The following SARNP variants were observed in gnomAD, a reference collection of about 807,000 sequenced individuals.
SARNP encodes the protein SAP domain containing ribonucleoprotein, also known as SAP domain-containing ribonucleoprotein.
Under a neutral mutation model 38.1 loss-of-function variants are expected in SARNP, and 5 were observed. The observed-to-expected ratio is 0.13, with a 90% CI of 0.07 to 0.28. SARNP has a LOEUF of 0.28. Ranked by LOEUF, SARNP falls within the 10% of genes least tolerant of loss-of-function variation. The pLI, the probability that SARNP is intolerant of heterozygous loss-of-function variation, is 1.00. For missense variants in SARNP, 180 were observed against 243.9 expected, an observed-to-expected ratio of 0.74 and a Z score of 1.75; for synonymous variants, 84 against 80.6, an observed-to-expected ratio of 1.04 and a Z score of -0.23.
chr12:55,782,081 T>C (rs539179985), intron 9 of SARNP, among the ~76,000 whole-genome samples: 1 of 152,306 alleles, frequency 6.6e-6, no homozygotes, highest in Admixed American at 6.5e-5. Context: ...ATCATAAACC[T>C]GGGAAAAGTA....
At chr12:55,757,015 G>C (rs1237361044), downstream of SARNP, 2 of 152,154 alleles carry the variant, frequency 1.3e-5, no homozygotes, top group Admixed American at 1.3e-4. Flanking sequence ...TATTTCAGTG[G>C]GTCACTACAA....
At chr12:55,772,751 T>G (rs897573107) in intron 9 of SARNP, among the ~76,000 whole-genome samples, 1 of 151,404 alleles carries the variant, frequency 6.6e-6, no homozygotes, top group Non-Finnish European at 1.5e-5. Context: ...TTTTGCTCTT[T>G]CTGCCCAGGA....
At position 55,789,143 on chromosome 12, in the gene SARNP, C is replaced by A. The variant is rs768479579; in HGVS notation, c.433G>T (p.Val145Phe). The change falls in exon 9 of 11, where the codon GTT (valine) becomes TTT (phenylalanine). Residue 145 changes from valine (V) to phenylalanine (F), a missense_variant and splice_region_variant. Physicochemically the swap from Val to Phe is conservative, Grantham distance 50 (BLOSUM62 -1). Coordinates refer to ENST00000336133, the MANE Select transcript of SARNP (RefSeq NM_033082.4). ...CTTTCCTTCAGCTTATCCAAGTTAA[C>A]CTATAAAAACATAGGGGAAAGAACA... Reference protein sequence around the residue: ...KGLSSDNKPMVNLDKLKERAQ... With the variant: ...KGLSSDNKPMFNLDKLKERAQ... The A allele has an allele frequency of 1.9e-6, 3 of 1,583,420 alleles. No individual in the cohort carries two copies. Among genetic ancestry groups the A allele is most frequent in the Admixed American group, 1.9e-5 (1 of 51,362 alleles).
intron 9 of SARNP, among the ~76,000 whole-genome samples, chr12:55,772,505 G>A (rs1215826974): frequency 6.6e-6 from 1 of 152,050 alleles, no homozygotes; most frequent in Non-Finnish European, 1.5e-5. Context: ...CCCCAGAGGA[G>A]GTCGTTTCGG....
intron 9 of SARNP, among the ~76,000 whole-genome samples, chr12:55,773,707 G>C (rs1042562504): frequency 2.6e-5 from 4 of 152,104 alleles, no homozygotes; most frequent in Admixed American, 6.5e-5. Flanking sequence ...AGGAAAATGG[G>C]ATTTCTTCTT....
intron 1 of SARNP, among the ~76,000 whole-genome samples, chr12:55,814,876 A>T (rs1880435783): frequency 6.6e-6 from 1 of 150,816 alleles, no homozygotes; most frequent in Non-Finnish European, 1.5e-5. Context: ...CTCAATTTAA[A>T]AAAAAAAAAA....
chr12:55,802,347 C>T (rs1880003797), intron 2 of SARNP, among the ~76,000 whole-genome samples: 1 of 151,744 alleles, frequency 6.6e-6, no homozygotes, highest in South Asian at 2.1e-4. Context: ...ATACTATATA[C>T]TATTAGTATA....
At chr12:55,809,959 C>T (rs1044325544) in intron 1 of SARNP, among the ~76,000 whole-genome samples, 6 of 152,138 alleles carry the variant, frequency 3.9e-5, no homozygotes, top group Non-Finnish European at 8.8e-5. Context: ...CTTTTGTGAA[C>T]TTGTGCATGA....
At chr12:55,754,433 T>C (rs1878438374), downstream of SARNP, 2 of 152,168 alleles carry the variant, frequency 1.3e-5, no homozygotes, top group Admixed American at 1.3e-4. Flanking sequence ...CAGCTTCTGG[T>C]CTGTAGTGGC....
intron 9 of SARNP, among the ~76,000 whole-genome samples, chr12:55,770,521 G>C (rs1466134686): frequency 6.6e-6 from 1 of 151,432 alleles, no homozygotes; most frequent in Non-Finnish European, 1.5e-5. Context: ...TTACAGGCAT[G>C]AGCCACCACG....
chr12:55,812,615 C>T (rs933841553), intron 1 of SARNP, among the ~76,000 whole-genome samples: 4 of 152,214 alleles, frequency 2.6e-5, no homozygotes, highest in Admixed American at 1.3e-4. Flanking sequence ...AATGAACTTA[C>T]CTCTTCTGTG....
At chr12:55,754,853 TAAG>T (rs1315175229), downstream of SARNP, 3 of 152,200 alleles carry the variant, frequency 2.0e-5, no homozygotes, top group Non-Finnish European at 4.4e-5. Context: ...TGTGGTAGAA[TAAG>T]AAATTAAACC....
intron 3 of SARNP, 89 bp from the exon 4 acceptor site, chr12:55,800,718 G>A (rs1879955751): frequency 1.5e-6 from 2 of 1,304,490 alleles, no homozygotes; most frequent in East Asian, 4.6e-5. Flanking sequence ...AAATAAACCA[G>A]TCTCTCAGAA....
chr12:55,764,531 CAA>C (rs1046165926), intron 9 of SARNP, among the ~76,000 whole-genome samples: 19 of 65,170 alleles, frequency 2.9e-4, no homozygotes, highest in Non-Finnish European at 3.2e-4. Context: ...AACTCCATTT[CAA>C]AAAAAAAAAA....
At chr12:55,816,351 A>G (rs1417968878) in intron 1 of SARNP, among the ~76,000 whole-genome samples, 1 of 152,224 alleles carries the variant, frequency 6.6e-6, no homozygotes, top group East Asian at 1.9e-4. Context: ...AGTGGAGATG[A>G]TTGCTCAATT....
intron 1 of SARNP, among the ~76,000 whole-genome samples, chr12:55,807,424 C>T (rs1880181471): frequency 1.3e-5 from 2 of 151,888 alleles, no homozygotes; most frequent in Non-Finnish European, 2.9e-5. Context: ...AATTCCAGCC[C>T]CTTGTGAGGC....
chr12:55,758,851 T>C (rs1592551945), intron 10 of SARNP, among the ~76,000 whole-genome samples: 1 of 152,042 alleles, frequency 6.6e-6, no homozygotes, highest in Admixed American at 6.5e-5. Context: ...TCTTCATAAG[T>C]TACCTAGTCT....
intron 4 of SARNP, among the ~76,000 whole-genome samples, chr12:55,798,446 C>G (rs977833382): frequency 3.3e-5 from 5 of 152,122 alleles, no homozygotes; most frequent in African/African-American, 1.2e-4. Context: ...TGCAGTGAGC[C>G]AAGATTGTGC....
chr12:55,774,787 CCTT>C (rs1879122895), intron 9 of SARNP, among the ~76,000 whole-genome samples: 1 of 151,642 alleles, frequency 6.6e-6, no homozygotes, highest in Non-Finnish European at 1.5e-5. Context: ...AATATAATCT[CCTT>C]CTCAGTTACG....
Sources: allele counts gnomAD v4.1 joint callset (sites outside exome capture counted in the v4.1 genomes callset), GRCh38; gene constraint gnomAD v4.1.1; transcripts MANE v1.5; gene names NCBI Gene and HGNC (gene_info 2026-07-23, HGNC 2026-07-21).